The following GRIK1 variants were observed in gnomAD, a reference collection of about 807,000 sequenced individuals.
GRIK1 encodes the protein glutamate receptor ionotropic, kainate 1.
Under a neutral mutation model 105.7 loss-of-function variants are expected in GRIK1, and 69 were observed. The observed-to-expected ratio is 0.65, with a 90% CI of 0.54 to 0.80. The LOEUF (loss-of-function observed/expected upper bound fraction) is 0.80, where lower values mean the gene tolerates loss of function less well. Ranked by LOEUF, GRIK1 falls within the 30% of genes least tolerant of loss-of-function variation. The pLI, the probability that GRIK1 is intolerant of heterozygous loss-of-function variation, is 0.00. For synonymous variants in GRIK1, 438 were observed against 431.3 expected (o/e 1.02, Z -0.19); for missense variants, 1,109 against 1,167.3 (o/e 0.95, Z 0.73).
Position 29,687,297 on chromosome 21 carries a change from G to T in GRIK1, c.544+2431C>A, listed in dbSNP as rs1601452805. On this transcript the variant is annotated intron_variant, in intron 3 of 17. Coordinates refer to ENST00000327783, the MANE Select transcript of GRIK1 (RefSeq NM_001330994.2). ...ACTTAATTCTGGTGTAGGGGCGGGT[G>T]CTAAGCACACCTAAGTCCTTTCTTT... 3.3e-5 allele frequency among the ~76,000 whole-genome samples: 5 copies of T among 152,240 alleles called. No homozygotes were observed. In the Middle Eastern group the frequency reaches 0.017, roughly 518 times the overall value.
At chr21:29,607,834 T>C (rs944627973) in intron 7 of GRIK1, among the ~76,000 whole-genome samples, 4 of 152,186 alleles carry the variant, frequency 2.6e-5, no homozygotes, top group African/African-American at 9.7e-5. Context: ...CATTGACACA[T>C]AATGTTTAAA....
At chr21:29,613,145 C>T (rs1027874685) in intron 7 of GRIK1, among the ~76,000 whole-genome samples, 2 of 152,086 alleles carry the variant, frequency 1.3e-5, no homozygotes, top group African/African-American at 2.4e-5. Flanking sequence ...CAGGACTGTC[C>T]GAGTGGAAGC....
intron 1 of GRIK1, among the ~76,000 whole-genome samples, chr21:29,872,786 A>G (rs1601911004): frequency 6.6e-6 from 1 of 152,168 alleles, no homozygotes; most frequent in Non-Finnish European, 1.5e-5. Context: ...ACTCATTATC[A>G]TGAGAACAGC....
intron 1 of GRIK1, among the ~76,000 whole-genome samples, chr21:29,711,660 A>T (rs1410761078): frequency 1.3e-5 from 2 of 152,062 alleles, no homozygotes; most frequent in African/African-American, 4.8e-5. Context: ...TTTACACTTT[A>T]AAAAAATTTG....
chr21:29,721,047 CT>C (rs973148128), intron 1 of GRIK1, among the ~76,000 whole-genome samples: 1 of 151,988 alleles, frequency 6.6e-6, no homozygotes, highest in Non-Finnish European at 1.5e-5. Flanking sequence ...GCTCATTCCT[CT>C]TTCCCCAAAA....
chr21:29,547,395 A>G (rs1158682125), intron 16 of GRIK1, among the ~76,000 whole-genome samples: 4 of 152,266 alleles, frequency 2.6e-5, no homozygotes, highest in African/African-American at 9.6e-5. Flanking sequence ...ATCTCTTTTT[A>G]TCACTGCTTC....
chr21:29,763,056 C>T (rs945294627), intron 1 of GRIK1, among the ~76,000 whole-genome samples: 2 of 152,138 alleles, frequency 1.3e-5, no homozygotes, highest in African/African-American at 4.8e-5. Context: ...GCTAAGGGGA[C>T]TGATATGGTT....
chr21:29,579,999 A>ATATATATG (rs1319340276), intron 13 of GRIK1, among the ~76,000 whole-genome samples: 4 of 145,584 alleles, frequency 2.7e-5, no homozygotes, highest in African/African-American at 1.0e-4. Flanking sequence ...ATATATATGT[A>ATATATATG]TATATATGTA....
chr21:29,781,657 CTTTTTTTTTTT>C (rs71191125), intron 1 of GRIK1, among the ~76,000 whole-genome samples: 2 of 69,260 alleles, frequency 2.9e-5, no homozygotes, highest in African/African-American at 5.4e-5. Flanking sequence ...CCTACTGTTT[CTTTTTTTTTTT>C]TTTTTTTTTT....
intron 1 of GRIK1, among the ~76,000 whole-genome samples, chr21:29,889,792 T>C (rs1187404027): frequency 6.6e-6 from 1 of 152,092 alleles, no homozygotes; most frequent in African/African-American, 2.4e-5. Context: ...TAATTTACTT[T>C]ATATTTTGGC....
rs363531 is a variant in GRIK1, at chr21:29,692,440, A to G, written c.286+1456T>C. Among the ~76,000 whole-genome samples, 590 of 152,350 alleles carry G rather than the reference A, an allele frequency of 3.9e-3. 3 individuals are homozygous for G. Among genetic ancestry groups the G allele is most frequent in the African/African-American group, 0.014 (563 of 41,578 alleles). ...TAGCTTGGAAACTTTAAAATGCTGT[A>G]TAAGTATATAGTTTTATTATTTGTC... On this transcript the variant is annotated intron_variant, in intron 2 of 17. Coordinates refer to ENST00000327783, the MANE Select transcript of GRIK1 (RefSeq NM_001330994.2).
intron 1 of GRIK1, among the ~76,000 whole-genome samples, chr21:29,938,602 C>T (rs1272482914): frequency 2.0e-5 from 3 of 152,118 alleles, no homozygotes; most frequent in South Asian, 2.1e-4. Context: ...TTCAGCTTTC[C>T]GGTGTCTTTT....
At position 29,643,102 on chromosome 21, in the gene GRIK1, G is replaced by C. The variant is rs1270694871; in HGVS notation, c.955-133C>G. 14 of 766,644 alleles carry C rather than the reference G, an allele frequency of 1.8e-5. No homozygotes were observed. The African/African-American group carries it at 2.4e-4, about 13-fold the overall frequency. The allele number at this position is 766,644 out of a possible 1,614,324, so 47.5% of individuals were successfully genotyped here. ...AGGCCATTTACTCTTCAGCTAGGTAGTTTTCACTCTCCAATAGCTATTTTT... is the reference window on the plus strand; with the variant it reads ...AGGCCATTTACTCTTCAGCTAGGTACTTTTCACTCTCCAATAGCTATTTTT... On this transcript the variant is annotated intron_variant, in intron 6 of 17. Coordinates refer to ENST00000327783, the MANE Select transcript of GRIK1 (RefSeq NM_001330994.2).
At chr21:29,777,898 C>T (rs1251429526) in intron 1 of GRIK1, among the ~76,000 whole-genome samples, 1 of 152,180 alleles carries the variant, frequency 6.6e-6, no homozygotes, top group Non-Finnish European at 1.5e-5. Flanking sequence ...AGGATGATAC[C>T]TCTAATTTAG....
chr21:29,887,177 C>T (rs1241240319), intron 1 of GRIK1, among the ~76,000 whole-genome samples: 1 of 152,142 alleles, frequency 6.6e-6, no homozygotes, highest in Non-Finnish European at 1.5e-5. Flanking sequence ...ACTGAATGAG[C>T]TAGAGTGTTA....
chr21:29,596,472 T>A (rs781700964), intron 9 of GRIK1, 54 bp downstream of exon 9: 1 of 1,206,952 alleles, frequency 8.3e-7, no homozygotes, highest in Non-Finnish European at 1.2e-6. Context: ...GCCTTTCCAA[T>A]GACATTCCCC....
At chr21:29,934,940 A>G (rs1262152356) in intron 1 of GRIK1, among the ~76,000 whole-genome samples, 1 of 152,192 alleles carries the variant, frequency 6.6e-6, no homozygotes, top group East Asian at 1.9e-4. Context: ...ACTCCCTTTT[A>G]TATCACACTA....
In GRIK1 at chr21:29,587,763, A is replaced by T. The variant is rs574387484; in HGVS notation, c.1570-174T>A. Among the ~76,000 whole-genome samples the T allele has an allele frequency of 2.1e-3, 325 of 152,224 alleles. 2 individuals are homozygous for T. Among genetic ancestry groups the T allele is most frequent in the African/African-American group, 6.0e-3 (249 of 41,540 alleles). The stretch of plus-strand genomic sequence containing the variant: ...CAATTTATACAGTTATGTTTATGAA[A>T]CAGTATCAGCAAAGAGAAACCAGAA... On this transcript the variant is annotated intron_variant, in intron 11 of 17. Coordinates refer to ENST00000327783, the MANE Select transcript of GRIK1 (RefSeq NM_001330994.2).
intron 1 of GRIK1, among the ~76,000 whole-genome samples, chr21:29,810,657 G>A (rs578082496): frequency 8.2e-4 from 125 of 152,154 alleles, no homozygotes; most frequent in African/African-American, 2.8e-3. Context: ...CCAAGAAAGA[G>A]AAACCCAGGG....
Sources: allele counts gnomAD v4.1 joint callset (sites outside exome capture counted in the v4.1 genomes callset), GRCh38; gene constraint gnomAD v4.1.1; transcripts MANE v1.5; gene names NCBI Gene and HGNC (gene_info 2026-07-23, HGNC 2026-07-21).